SULF2: variants seen among roughly 807,000 people sequenced by gnomAD.
SULF2 encodes extracellular sulfatase Sulf-2.
SULF2 carries 52 observed loss-of-function variants against 107.7 expected under a neutral mutation model. That is an observed-to-expected ratio of 0.48 (90% confidence interval 0.39 to 0.61). The LOEUF (loss-of-function observed/expected upper bound fraction) is 0.61, where lower values mean the gene tolerates loss of function less well. Among genes scored for constraint, SULF2 ranks in the 20% least tolerant of loss-of-function variants. The probability of loss-of-function intolerance (pLI) is 0.00; values close to 1 mark genes in which losing one functional copy is unlikely to be tolerated. For missense variants in SULF2, 993 were observed against 1,177.3 expected (o/e 0.84, Z 2.29); for synonymous variants, 460 against 464.3 (o/e 0.99, Z 0.12).
intron 3 of SULF2, among the ~76,000 whole-genome samples, chr20:47,710,099 A>G (rs536480787): frequency 6.6e-6 from 1 of 152,152 alleles, no homozygotes; most frequent in African/African-American, 2.4e-5. Context: ...ACCAGGTTTC[A>G]CCATGTTGGC....
intron 1 of SULF2, among the ~76,000 whole-genome samples, chr20:47,780,559 T>A (rs1260251003): frequency 1.3e-5 from 2 of 152,092 alleles, no homozygotes; most frequent in Non-Finnish European, 2.9e-5. Context: ...ATTTTTCTTT[T>A]AAATTTTTTT....
intron 1 of SULF2, among the ~76,000 whole-genome samples, chr20:47,775,452 C>T (rs1159095553): frequency 3.3e-5 from 5 of 152,176 alleles, no homozygotes; most frequent in Admixed American, 2.0e-4. Context: ...ACCACAGAAT[C>T]GTCCAAAATA....
chr20:47,731,185 C>CTTTGTTTTTT (rs199660759), intron 3 of SULF2, among the ~76,000 whole-genome samples: 1 of 93,332 alleles, frequency 1.1e-5, no homozygotes, highest in African/African-American at 5.8e-5. Context: ...CCTGTATCTT[C>CTTTGTTTTTT]TCTTTTTTTT....
Position 47,678,862 on chromosome 20 carries a change from C to T in SULF2, c.1065-58G>A, listed in dbSNP as rs1292108149. 38 of 1,530,710 alleles carry T rather than the reference C, an allele frequency of 2.5e-5. No individual in the cohort carries two copies. The highest frequency in any genetic ancestry group is 1.3e-4 in the Admixed American group (8 of 59,370). The allele number at this position is 1,530,710 out of a possible 1,614,324, so 94.8% of individuals were successfully genotyped here. ...CTCAGGTGGTGGTGCCTCAGCCTCG[C>T]GTGGGGGGTGGGGAGCGGTAGGTGG... On this transcript the variant is annotated intron_variant, in intron 7 of 20. Coordinates refer to ENST00000688720, the MANE Select transcript of SULF2 (RefSeq NM_001387048.1). The surrounding 1 kb of genome is among the most constrained non-coding windows in gnomAD (Gnocchi z 4.5).
intron 3 of SULF2, among the ~76,000 whole-genome samples, chr20:47,729,720 T>TGTGCTGGGGAGA (rs2089542953): frequency 6.6e-6 from 1 of 151,972 alleles, no homozygotes; most frequent in African/African-American, 2.4e-5. Flanking sequence ...TCATGCTTGA[T>TGTGCTGGGGAGA]GTGCTGGGGA....
chr20:47,757,327 C>T lies in SULF2; in HGVS notation c.37G>A (p.Ala13Thr), dbSNP rs1206018127. The stretch of plus-strand genomic sequence containing the variant: ...CCACCCAGCAGGGAGAACACAGTTG[C>T]GGACAGCAAGCACAGCACGAGGCTC... ...PPSLVLCLLS[A>T]TVFSLLGGSS... Residue 13 changes from alanine (A) to threonine (T), a missense_variant, in exon 2 of 21, where the codon GCA (alanine) becomes ACA (threonine). Ala to Thr is a moderately conservative substitution (Grantham distance 58). Around this residue, in one of 3 missense-constraint regions of SULF2, gnomAD observed 388 missense variants for 449.2 expected, o/e 0.86. Coordinates refer to ENST00000688720, the MANE Select transcript of SULF2 (RefSeq NM_001387048.1). 2.1e-5 allele frequency: 34 copies of T among 1,603,018 alleles called. No homozygotes were observed. The highest frequency in any genetic ancestry group is 4.5e-5 in the South Asian group (4 of 88,964).
At chr20:47,663,039 C>T (rs888693422) in intron 17 of SULF2, 31 bp downstream of exon 17, 1 of 1,613,666 alleles carries the variant, frequency 6.2e-7, no homozygotes, top group South Asian at 1.1e-5. Context: ...GTACCCCACA[C>T]CCCCATCCCT....
At chr20:47,658,436 T>C in intron 20 of SULF2, 44 bp from the exon 21 acceptor site, 3 of 1,602,946 alleles carry the variant, frequency 1.9e-6, no homozygotes, top group Non-Finnish European at 2.6e-6. Context: ...GCTATCATGG[T>C]CTTTATCATG....
chr20:47,676,805 AG>A, intron 9 of SULF2, 182 bp from the exon 10 acceptor site: 1 of 731,106 alleles, frequency 1.4e-6, no homozygotes, highest in Non-Finnish European at 2.2e-6. Context: ...GAATTTTATA[AG>A]AAACTTCCCA....
intron 4 of SULF2, among the ~76,000 whole-genome samples, chr20:47,691,641 T>G (rs1390926454): frequency 6.6e-6 from 1 of 152,070 alleles, no homozygotes. Context: ...GCTCTAAAAA[T>G]AGAAGAGAGG....
chr20:47,745,403 AAAAAAAAATATATATATATAT>A (rs2089999383), intron 2 of SULF2, among the ~76,000 whole-genome samples: 1 of 25,020 alleles, frequency 4.0e-5, no homozygotes, highest in African/African-American at 3.0e-4. Context: ...AAAAAAAAAA[AAAAAAAAATATATATATATAT>A]ATATATATAT....
intron 2 of SULF2, among the ~76,000 whole-genome samples, chr20:47,749,668 T>C (rs1298130220): frequency 1.3e-5 from 2 of 152,250 alleles, no homozygotes; most frequent in African/African-American, 4.8e-5. Flanking sequence ...TTCCTTGTGT[T>C]CACAGATGGA....
chr20:47,720,873 G>C (rs1376105974), intron 3 of SULF2, among the ~76,000 whole-genome samples: 1 of 152,158 alleles, frequency 6.6e-6, no homozygotes, highest in Non-Finnish European at 1.5e-5. Flanking sequence ...AGGGGAGCTG[G>C]AGGTTCCTGA....
chr20:47,669,363 T>C (rs1011739355), intron 11 of SULF2, among the ~76,000 whole-genome samples: 6 of 151,962 alleles, frequency 3.9e-5, no homozygotes, highest in Non-Finnish European at 7.3e-5. Context: ...GCGGACACTT[T>C]GGGGTCAGAT....
At chr20:47,719,264 T>G (rs1008714981) in intron 3 of SULF2, among the ~76,000 whole-genome samples, 1 of 152,242 alleles carries the variant, frequency 6.6e-6, no homozygotes, top group African/African-American at 2.4e-5. Context: ...AATATTTTGA[T>G]AAATATGTTT....
chr20:47,671,898 C>T (rs533596603), intron 11 of SULF2, among the ~76,000 whole-genome samples: 8 of 149,700 alleles, frequency 5.3e-5, no homozygotes, highest in Middle Eastern at 3.6e-3. Flanking sequence ...TATTTTTAGA[C>T]GGGGTTTTAC....
chr20:47,735,411 A>T (rs1375240734), intron 3 of SULF2, among the ~76,000 whole-genome samples: 1 of 152,214 alleles, frequency 6.6e-6, no homozygotes, highest in Non-Finnish European at 1.5e-5. Context: ...AAAACATTTC[A>T]AGGCTGGTCA....
rs1188153992 is a variant in SULF2 at position 47,665,256 on chromosome 20, T to C, written c.1940A>G (p.Glu647Gly). ...CTTTTTCTTCAGGTGACCTCGGACT[T>C]CCCTCAGGTTCTTAATTTTGTTCTG... ...TLQNKIKNLR[E>G]VRGHLKKKRP... Residue 647 changes from glutamate to glycine, a missense_variant, in exon 14 of 21, where the codon GAA becomes GGA. Glu to Gly is a moderately conservative substitution (Grantham distance 98). This residue lies in a region of SULF2 where 497 missense variants were observed against 544.1 expected (regional missense o/e 0.91). Coordinates refer to ENST00000688720, the MANE Select transcript of SULF2 (RefSeq NM_001387048.1). 11 of 1,614,020 alleles carry C rather than the reference T, an allele frequency of 6.8e-6. No homozygotes were observed. The highest frequency in any genetic ancestry group is 9.3e-6 in the Non-Finnish European group (11 of 1,179,894).
chr20:47,696,199 A>G (rs1345183948), intron 4 of SULF2, among the ~76,000 whole-genome samples: 3 of 152,212 alleles, frequency 2.0e-5, no homozygotes, highest in African/African-American at 7.2e-5. Context: ...AGTTGGGAAT[A>G]GACACAGTAT....
Sources: allele counts gnomAD v4.1 joint callset (sites outside exome capture counted in the v4.1 genomes callset), GRCh38; gene constraint gnomAD v4.1.1; regional missense constraint gnomAD v4.1.1; non-coding constraint Gnocchi (gnomAD v3.1); transcripts MANE v1.5; gene names NCBI Gene and HGNC (gene_info 2026-07-23, HGNC 2026-07-21).